Variants in MGA observed in about 807,000 individuals in gnomAD.
MGA encodes MAX gene-associated protein.
A neutral mutation model predicts 261.1 loss-of-function variants in MGA; 40 were observed. That is an observed-to-expected ratio of 0.15 (90% CI 0.12 to 0.20). The LOEUF is 0.20. Ranked by LOEUF, MGA falls within the 10% of genes least tolerant of loss-of-function variation. The probability of loss-of-function intolerance (pLI) is 1.00; values close to 1 mark genes in which losing one functional copy is unlikely to be tolerated. For synonymous variants in MGA, 1,302 were observed against 1,290.6 expected, an observed-to-expected ratio of 1.01 and a Z score of -0.19; for missense variants, 3,397 against 3,630.5, an observed-to-expected ratio of 0.94 and a Z score of 1.65.
intron 1 of MGA, among the ~76,000 whole-genome samples, chr15:41,640,327 A>G (rs1159917083): frequency 3.9e-5 from 6 of 152,166 alleles, no homozygotes; most frequent in African/African-American, 1.4e-4. Flanking sequence ...ATGCTAAGCT[A>G]AGGAGTTGAG....
chr15:41,766,647 C>G lies in MGA; in HGVS notation c.8565C>G (p.Phe2855Leu), dbSNP rs370088625. ...TACCCAGCTCTATGGATACAGAGTT[C>G]CCAGGGGATGCTCGGCGGGCTTTTA... Residue 2855 changes from phenylalanine (F) to leucine (L), a missense_variant, in exon 24 of 24, where the codon TTC becomes TTG. Coordinates refer to ENST00000219905, the MANE Select transcript of MGA (RefSeq NM_001164273.2). 3.3e-5 allele frequency: 53 copies of G among 1,613,852 alleles called. No individual in the cohort carries two copies. Among genetic ancestry groups the G allele is most frequent in the Middle Eastern group, 3.3e-4 (2 of 6,084 alleles).
upstream of MGA, among the ~76,000 whole-genome samples, chr15:41,657,656 G>A (rs759528657): frequency 4.8e-5 from 7 of 145,516 alleles, no homozygotes; most frequent in Admixed American, 1.4e-4. Flanking sequence ...GCACCTGGCC[G>A]AAGGACTTTT....
At position 41,763,092 on chromosome 15, in the gene MGA, C is replaced by CTTTTT. The variant is rs71108131; in HGVS notation, c.7744+751_7744+755dup. Among the ~76,000 whole-genome samples, 243 of 63,982 alleles carry CTTTTT rather than the reference C, an allele frequency of 3.8e-3. 4 individuals carry two copies. Among genetic ancestry groups the CTTTTT allele is most frequent in the Non-Finnish European group, 5.7e-3 (196 of 34,614 alleles). 42.0% of individuals were successfully genotyped at this position (63,982 alleles called of 152,430 possible). On this transcript the variant is annotated intron_variant, in intron 22 of 23. Transcript: ENST00000219905. Reference sequence around the variant, plus strand: ...AATCAGGCTCTATTTTTCTTTCTTCCTTTTTTTTTTTTTTTTTTTTTTTTT... The same window carrying CTTTTT: ...AATCAGGCTCTATTTTTCTTTCTTCCTTTTTTTTTTTTTTTTTTTTTTTTTTTTTT...
intron 11 of MGA, among the ~76,000 whole-genome samples, chr15:41,730,923 G>T (rs1302659854): frequency 6.6e-6 from 1 of 152,160 alleles, no homozygotes; most frequent in East Asian, 1.9e-4. Context: ...GCTGTGAAAA[G>T]AAGAAACTAT....
chr15:41,734,537 C>T lies in MGA; in HGVS notation c.3859C>T (p.Gln1287Ter). 1 of 1,608,676 alleles carries T rather than the reference C, an allele frequency of 6.2e-7. No individual in the cohort carries two copies. Among genetic ancestry groups the T allele is most frequent in the Non-Finnish European group, 8.5e-7 (1 of 1,177,058 alleles). Reference sequence around the variant, plus strand: ...TCTCCTTCAGGAACCTGATTCTGAACAGCAGCCCTTAAAACAACTCACCTG... The same window carrying T: ...TCTCCTTCAGGAACCTGATTCTGAATAGCAGCCCTTAAAACAACTCACCTG... Residue 1287 changes from glutamine (Q) to a stop codon, truncating the protein, a stop_gained, in exon 12 of 24, where the codon CAG (glutamine) becomes TAG (stop). Coordinates refer to ENST00000219905, the MANE Select transcript of MGA (RefSeq NM_001164273.2). LOFTEE classifies it high-confidence loss of function.
chr15:41,745,324 G>A (rs1402765882), intron 15 of MGA, among the ~76,000 whole-genome samples: 1 of 142,232 alleles, frequency 7.0e-6, no homozygotes, highest in Non-Finnish European at 1.5e-5. Context: ...GCATTAATTG[G>A]AAACCAGCAT....
intron 8 of MGA, 78 bp downstream of exon 8, chr15:41,711,427 G>A (rs1429260548): frequency 2.9e-6 from 4 of 1,402,032 alleles, no homozygotes; most frequent in Non-Finnish European, 3.8e-6. Context: ...AATGGGAATG[G>A]TACTTTTTGG....
At chr15:41,699,224 C>G (rs2059705811) in intron 5 of MGA, 65 bp downstream of exon 5, 2 of 1,025,128 alleles carry the variant, frequency 2.0e-6, no homozygotes, top group African/African-American at 1.7e-5. Context: ...TGTTTCTCCT[C>G]TTTTTCCTCT....
intron 9 of MGA, among the ~76,000 whole-genome samples, chr15:41,719,477 A>C (rs1435507295): frequency 1.3e-5 from 2 of 152,206 alleles, no homozygotes; most frequent in Admixed American, 6.5e-5. Context: ...GTGGTGGCTC[A>C]TGCCTGTAAT....
At chr15:41,720,816 ACT>A (rs2060898336) in intron 9 of MGA, among the ~76,000 whole-genome samples, 2 of 152,032 alleles carry the variant, frequency 1.3e-5, no homozygotes, top group Admixed American at 6.6e-5. Context: ...ACAAAGTGAG[ACT>A]CTGTCTCAAA....
chr15:41,713,113 T>A, intron 8 of MGA, 38 bp from the exon 9 acceptor site: 9 of 1,592,298 alleles, frequency 5.7e-6, no homozygotes, highest in Non-Finnish European at 6.8e-6. Flanking sequence ...TGTAGGGGGA[T>A]GGTTTAGTGG....
At chr15:41,656,554 C>T (rs1273775283), upstream of MGA, among the ~76,000 whole-genome samples, 2 of 151,350 alleles carry the variant, frequency 1.3e-5, no homozygotes, top group African/African-American at 4.9e-5. Context: ...GAGACAGGGT[C>T]TTGCCATGTT....
chr15:41,684,906 G>T (rs973225038), intron 2 of MGA, among the ~76,000 whole-genome samples: 4 of 152,124 alleles, frequency 2.6e-5, no homozygotes, highest in African/African-American at 9.7e-5. Flanking sequence ...TTTAAAAACA[G>T]ATAAAGGGAA....
At chr15:41,623,714 C>T (rs149491652) in intron 1 of MGA, among the ~76,000 whole-genome samples, 2,660 of 144,064 alleles carry the variant, frequency 0.018, 76 homozygotes, top group African/African-American at 0.065. Flanking sequence ...GCAACAAGAG[C>T]GAAACTCCGT....
chr15:41,754,995 T>C (rs2063063276), intron 18 of MGA, among the ~76,000 whole-genome samples: 1 of 152,236 alleles, frequency 6.6e-6, no homozygotes, highest in Non-Finnish European at 1.5e-5. Context: ...GTTTCTTTTA[T>C]CATTTAAGAA....
chr15:41,732,296 C>T (rs928272162), intron 11 of MGA, among the ~76,000 whole-genome samples: 10 of 151,974 alleles, frequency 6.6e-5, no homozygotes, highest in Non-Finnish European at 1.3e-4. Flanking sequence ...TACAGGCACC[C>T]GCCACCACGC....
intron 2 of MGA, among the ~76,000 whole-genome samples, chr15:41,692,959 A>G (rs35127196): frequency 0.043 from 6,590 of 152,136 alleles, 220 homozygotes; most frequent in Non-Finnish European, 0.067. Flanking sequence ...CAGCCTCCCA[A>G]AGTGCTAGGA....
At chr15:41,764,252 A>T (rs1037723596) in intron 22 of MGA, among the ~76,000 whole-genome samples, 11 of 109,726 alleles carry the variant, frequency 1.0e-4, no homozygotes, top group African/African-American at 1.9e-4. Context: ...TGGTGTGGGT[A>T]TTTTTTTTTT....
intron 1 of MGA, among the ~76,000 whole-genome samples, chr15:41,654,621 T>C (rs2057128312): frequency 6.6e-6 from 1 of 152,182 alleles, no homozygotes. Context: ...TTTTCTCTCA[T>C]AGGCTTCTTC....
Sources: allele counts gnomAD v4.1 joint callset (sites outside exome capture counted in the v4.1 genomes callset), GRCh38; gene constraint gnomAD v4.1.1; transcripts MANE v1.5; gene names NCBI Gene and HGNC (gene_info 2026-07-23, HGNC 2026-07-21).